Variants in NOA1 observed in about 807,000 individuals in gnomAD.
The protein encoded by NOA1 is nitric oxide-associated protein 1.
Under a neutral mutation model 58.4 loss-of-function variants are expected in NOA1, and 35 were observed. The observed-to-expected ratio is 0.60, with a 90% CI of 0.46 to 0.79. NOA1 has a LOEUF of 0.79. Ranked by LOEUF, NOA1 falls within the 30% of genes least tolerant of loss-of-function variation. The pLI is 0.00. For synonymous variants in NOA1, 397 were observed against 373.4 expected (o/e 1.06, Z -0.73); for missense variants, 895 against 894.6 (o/e 1.00, Z -0.01).
intron 5 of NOA1, 95 bp from the exon 6 acceptor site, chr4:56,964,621 T>A: frequency 2.2e-6 from 3 of 1,339,236 alleles, no homozygotes; most frequent in Non-Finnish European, 3.1e-6. Context: ...TGTACAGGGA[T>A]CAAGAATAAA....
chr4:56,976,641 C>T lies in NOA1; in HGVS notation c.945G>A (p.Leu315=). The stretch of plus-strand genomic sequence containing the variant: ...CTCCATAGCCGGTCTTGGCGCTGAT[C>T]AGCCGCACGTCCCTGACCACTGTGC... ...WSRTVVRDVR[L]ISAKTGYGVE... is the part of the protein sequence containing the mutation. The change falls in exon 1 of 7, where the codon CTG becomes CTA. Residue 315 remains leucine, a synonymous_variant. Transcript: ENST00000264230. 1 of 1,614,216 alleles carries T rather than the reference C, an allele frequency of 6.2e-7. No individual in the cohort carries two copies. The highest frequency in any genetic ancestry group is 8.5e-7 in the Non-Finnish European group (1 of 1,180,038).
At chr4:56,976,420 G>A (rs756263865) in intron 1 of NOA1, 22 bp downstream of exon 1, 12 of 1,599,272 alleles carry the variant, frequency 7.5e-6, no homozygotes, top group African/African-American at 1.3e-5. Context: ...GAAACGAAGA[G>A]GGCGAGCCTC....
Position 56,973,221 on chromosome 4 carries a change from A to C in NOA1, c.1442T>G (p.Val481Gly). 4 of 1,614,162 alleles carry C rather than the reference A, an allele frequency of 2.5e-6. No homozygotes were observed. The highest frequency in any genetic ancestry group is 2.5e-6 in the Non-Finnish European group (3 of 1,180,026). ...VMGTHKSTKQ[V>G]ELTAQDVKDA... ...TTTCACATCTTGTGCAGTCAATTCT[A>C]CTTGTTTGGTGGATTTGTGTGTACC... The change falls in exon 3 of 7, where the codon GTA becomes GGA. Residue 481 changes from valine (V) to glycine (G), a missense_variant. Physicochemically the swap from Val to Gly is moderately radical, Grantham distance 109. Around this residue, in one of 3 missense-constraint regions of NOA1, gnomAD observed 680 missense variants for 656.5 expected, o/e 1.04. Transcript: ENST00000264230.
At chr4:56,971,641 C>T (rs954517528) in intron 3 of NOA1, among the ~76,000 whole-genome samples, 4 of 151,932 alleles carry the variant, frequency 2.6e-5, no homozygotes, top group African/African-American at 4.8e-5. Context: ...TAACCAGATT[C>T]GAAGGAAATG....
In NOA1 at chr4:56,963,662, C is replaced by G. The variant is rs1721648717; in HGVS notation, c.1886-1G>C. 3 of 1,613,190 alleles carry G rather than the reference C, an allele frequency of 1.9e-6. No homozygotes were observed. Among genetic ancestry groups the G allele is most frequent in the Non-Finnish European group, 2.5e-6 (3 of 1,179,182 alleles). ...AAATTAGGTGTTACTGAAACCCAAC[C>G]TATGCAGGCATGTGACACAACACAA... On this transcript the variant is annotated splice_acceptor_variant, in intron 6 of 6. Coordinates refer to ENST00000264230, the MANE Select transcript of NOA1 (RefSeq NM_032313.4). LOFTEE classifies it high-confidence loss of function.
chr4:56,966,866 T>A, intron 4 of NOA1, 130 bp from the exon 5 acceptor site: 1 of 655,358 alleles, frequency 1.5e-6, no homozygotes, highest in Non-Finnish European at 2.7e-6. Flanking sequence ...TAAGTACTGG[T>A]ATGGCAGTAG....
chr4:56,975,005 A>G (rs952323026), intron 1 of NOA1, among the ~76,000 whole-genome samples: 4 of 149,946 alleles, frequency 2.7e-5, no homozygotes, highest in Admixed American at 6.6e-5. Context: ...ACCTGGCCAC[A>G]GAAGTTTCTT....
chr4:56,963,621 A>G lies in NOA1; in HGVS notation c.1926T>C (p.His642=). Residue 642 remains histidine (H), a synonymous_variant, in exon 7 of 7, where the codon CAT becomes CAC. Coordinates refer to ENST00000264230, the MANE Select transcript of NOA1 (RefSeq NM_032313.4). ...TTCCTTCAGGTGTATAGCCTCGGAG[A>G]TGCAGTCTGTCCTTAAAATTAGGTG... The part of the protein sequence containing the change: ...SVTPNFKDRL[H]LRGYTPEGTV... 2 of 1,614,102 alleles carry G rather than the reference A, an allele frequency of 1.2e-6. 1 individual carries two copies. Among genetic ancestry groups the G allele is most frequent in the South Asian group, 2.2e-5 (2 of 91,074 alleles).
Position 56,977,052 on chromosome 4 carries a change from C to T in NOA1, c.534G>A (p.Val178=). The T allele has an allele frequency of 6.3e-7, 1 of 1,583,514 alleles. No individual in the cohort carries two copies. The highest frequency in any genetic ancestry group is 1.7e-5 in the Admixed American group (1 of 57,850). ...AEADGGLART[V]CQRCWLLSHH... is the part of the protein sequence containing the mutation. ...GCGACAGCAGCCAGCAGCGCTGGCA[C>T]ACGGTCCGTGCCAGCCCGCCGTCTG... is the stretch of plus-strand genomic sequence containing the variant. Residue 178 remains valine (V), a synonymous_variant, in exon 1 of 7, where the codon GTG becomes GTA. Coordinates refer to ENST00000264230, the MANE Select transcript of NOA1 (RefSeq NM_032313.4).
intron 5 of NOA1, among the ~76,000 whole-genome samples, chr4:56,966,018 CTTTTTTTTT>C (rs57382498): frequency 1.8e-3 from 156 of 88,556 alleles, no homozygotes; most frequent in African/African-American, 6.6e-3. Flanking sequence ...AGCAAATTTT[CTTTTTTTTT>C]TTTTTTTTTT....
intron 3 of NOA1, among the ~76,000 whole-genome samples, chr4:56,970,043 C>T (rs1173783120): frequency 1.3e-5 from 2 of 152,102 alleles, no homozygotes; most frequent in African/African-American, 4.8e-5. Flanking sequence ...CTTGGTCTTC[C>T]AAAGTGCTGG....
In NOA1 at chr4:56,976,766, G is replaced by A; in HGVS notation, c.820C>T (p.Arg274Cys). 6.2e-7 allele frequency: 1 copy of A among 1,609,176 alleles called. No homozygotes were observed. Among genetic ancestry groups the A allele is most frequent in the East Asian group, 2.2e-5 (1 of 44,730 alleles). The change falls in exon 1 of 7, where the codon CGC becomes TGC. Residue 274 changes from arginine (R) to cysteine (C), a missense_variant. Arg to Cys is a radical substitution (Grantham distance 180). Coordinates refer to ENST00000264230, the MANE Select transcript of NOA1 (RefSeq NM_032313.4). ...CCAGGGGCCAGCAGGAGCCCGGCGC[G>A]GGCACAGTCCTCCCACAGTCGCTCC... The part of the protein sequence containing the change: ...LRERLWEDCA[R>C]AGLLLAPGHQ...
chr4:56,976,053 AAAAC>A (rs772203500), intron 1 of NOA1, among the ~76,000 whole-genome samples: 12 of 152,282 alleles, frequency 7.9e-5, no homozygotes, highest in Non-Finnish European at 1.6e-4. Context: ...TCTCCAAAAC[AAAAC>A]AAACAAACAA....
intron 3 of NOA1, among the ~76,000 whole-genome samples, chr4:56,971,315 C>CAAA (rs35120609): frequency 2.1e-4 from 11 of 53,264 alleles, no homozygotes; most frequent in Non-Finnish European, 3.0e-4. Flanking sequence ...GACTCCATCT[C>CAAA]AAAAAAAAAA....
rs1721642781 is a variant in NOA1 at position 56,963,452 on chromosome 4, A to C, written c.2095T>G (p.Ter699GlyextTer25). Residue 699 changes from the stop codon to glycine (G), a stop_lost, in exon 7 of 7, where the codon TGA becomes GGA. Transcript: ENST00000264230. ...ATCTGGAGTGAACAAGGTCGGTCTC[A>C]TACATTTATCTTTCCTTTCTTCTTC... Reference protein sequence around the residue: ...VRKKKGKINV* With the variant: ...VRKKKGKINVG 6.2e-7 allele frequency: 1 copy of C among 1,613,306 alleles called. No homozygotes were observed. The highest frequency in any genetic ancestry group is 8.5e-7 in the Non-Finnish European group (1 of 1,179,398).
rs144180479 is a variant in NOA1 at position 56,966,460 on chromosome 4, T to G, written c.1764+160A>C. Reference sequence around the variant, plus strand: ...CTAGGATCAGTCTATATAGAGCAATTTTGCTTTATAGCCAGAATTCTCAAA... The same window carrying G: ...CTAGGATCAGTCTATATAGAGCAATGTTGCTTTATAGCCAGAATTCTCAAA... On this transcript the variant is annotated intron_variant, in intron 5 of 6. Coordinates refer to ENST00000264230, the MANE Select transcript of NOA1 (RefSeq NM_032313.4). Among the ~76,000 whole-genome samples the G allele has an allele frequency of 1.3e-3, 196 of 152,308 alleles. 2 individuals carry two copies. The highest frequency in any genetic ancestry group is 4.6e-3 in the African/African-American group (192 of 41,560).
At chr4:56,970,757 C>T (rs1284685913) in intron 3 of NOA1, among the ~76,000 whole-genome samples, 1 of 152,108 alleles carries the variant, frequency 6.6e-6, no homozygotes, top group Non-Finnish European at 1.5e-5. Context: ...GCACTGTGCA[C>T]AGCCTGAGTC....
At chr4:56,972,312 C>T (rs546822223) in intron 3 of NOA1, among the ~76,000 whole-genome samples, 7 of 152,242 alleles carry the variant, frequency 4.6e-5, no homozygotes, top group Non-Finnish European at 8.8e-5. Context: ...TCCTACAGCA[C>T]AGCTGTAGGA....
intron 3 of NOA1, among the ~76,000 whole-genome samples, chr4:56,971,102 G>A (rs1721803364): frequency 6.6e-6 from 1 of 152,042 alleles, no homozygotes; most frequent in African/African-American, 2.4e-5. Context: ...TACCTGAGGT[G>A]AGGGGTTTGA....
Sources: gnomAD v4.1 joint callset for allele counts (sites outside exome capture counted in the v4.1 genomes callset) on GRCh38, gnomAD v4.1.1 for gene constraint, gnomAD v4.1.1 regional missense constraint, MANE v1.5 for transcripts, NCBI Gene and HGNC (gene_info 2026-07-23, HGNC 2026-07-21) for gene names.